NALCN: variants seen among roughly 807,000 people sequenced by gnomAD.
NALCN encodes the protein sodium leak channel, non-selective, also known as sodium leak channel NALCN.
A neutral mutation model predicts 225.3 loss-of-function variants in NALCN; 111 were observed. That is an observed-to-expected ratio of 0.49 (90% CI 0.42 to 0.58). The LOEUF (loss-of-function observed/expected upper bound fraction) is 0.58, where lower values mean the gene tolerates loss of function less well. NALCN is among the 20% of genes least tolerant of loss of function. NALCN has a pLI of 0.00. For synonymous variants in NALCN, 764 were observed against 769.0 expected (o/e 0.99, Z 0.11); for missense variants, 1,378 against 2,202.4 (o/e 0.63, Z 7.49).
chr13:101,298,690 TG>T (rs1198163216), intron 7 of NALCN, among the ~76,000 whole-genome samples: 1 of 152,202 alleles, frequency 6.6e-6, no homozygotes. Flanking sequence ...CTACACAAAA[TG>T]TAAGTTTGGT....
chr13:101,328,358 C>G (rs1035030979), intron 7 of NALCN, among the ~76,000 whole-genome samples: 2 of 152,072 alleles, frequency 1.3e-5, no homozygotes, highest in African/African-American at 2.4e-5. Context: ...ACAGCCCAGG[C>G]TAGAGTGCGG....
chr13:101,130,808 T>C (rs949048205), intron 17 of NALCN, among the ~76,000 whole-genome samples: 1 of 152,182 alleles, frequency 6.6e-6, no homozygotes, highest in African/African-American at 2.4e-5. Flanking sequence ...ATTTGTCTGG[T>C]GTATGTATTG....
intron 6 of NALCN, among the ~76,000 whole-genome samples, chr13:101,373,550 A>G (rs2046601482): frequency 6.6e-6 from 1 of 152,200 alleles, no homozygotes; most frequent in East Asian, 1.9e-4. Context: ...CAAAACGGAA[A>G]AGCACTGGAC....
At chr13:101,236,949 A>G (rs1237606184) in intron 12 of NALCN, among the ~76,000 whole-genome samples, 2 of 103,438 alleles carry the variant, frequency 1.9e-5, no homozygotes, top group Non-Finnish European at 4.1e-5. Flanking sequence ...AAATAAAATA[A>G]TATAAAATAA....
intron 11 of NALCN, among the ~76,000 whole-genome samples, chr13:101,252,664 C>G (rs1271316751): frequency 6.6e-6 from 1 of 152,098 alleles, no homozygotes; most frequent in Non-Finnish European, 1.5e-5. Context: ...ACTTCTTTCT[C>G]CCCTCTGGCT....
chr13:101,258,798 G>A (rs918073013), intron 10 of NALCN, among the ~76,000 whole-genome samples: 6 of 152,108 alleles, frequency 3.9e-5, no homozygotes, highest in African/African-American at 1.4e-4. Flanking sequence ...AGAGACTTTT[G>A]ACTAAAAATG....
chr13:101,332,093 C>T lies in NALCN; in HGVS notation c.799+13173G>A, dbSNP rs565910042. On this transcript the variant is annotated intron_variant, in intron 7 of 43. Transcript: ENST00000251127. The stretch of plus-strand genomic sequence containing the variant: ...GAAAATAGAGGGAAGTTAGAAAGCA[C>T]GATTTAAAGACATGGAGGATAGAAT... 1.9e-4 allele frequency among the ~76,000 whole-genome samples: 29 copies of T among 151,842 alleles called. 1 individual carries two copies. Among genetic ancestry groups the T allele is most frequent in the African/African-American group, 5.6e-4 (23 of 41,418 alleles).
chr13:101,392,624 G>A (rs2047178307), intron 3 of NALCN, among the ~76,000 whole-genome samples: 1 of 152,022 alleles, frequency 6.6e-6, no homozygotes, highest in South Asian at 2.1e-4. Context: ...ACCTCTACTA[G>A]TATTTAAAAT....
intron 6 of NALCN, among the ~76,000 whole-genome samples, chr13:101,372,864 C>A (rs1296464943): frequency 6.6e-6 from 1 of 151,604 alleles, no homozygotes; most frequent in Non-Finnish European, 1.5e-5. Flanking sequence ...AACAGACTAA[C>A]AATAGAGAAC....
upstream of NALCN, among the ~76,000 whole-genome samples, chr13:101,416,966 C>T (rs1594806436): frequency 6.6e-6 from 1 of 151,874 alleles, no homozygotes; most frequent in East Asian, 1.9e-4. Context: ...AGTTTCACCC[C>T]GGAGTTATTA....
intron 1 of NALCN, among the ~76,000 whole-genome samples, chr13:101,412,517 G>A (rs902506029): frequency 3.9e-5 from 6 of 152,168 alleles, no homozygotes; most frequent in Non-Finnish European, 8.8e-5. Context: ...TTCCGGTATG[G>A]CTGCCTTGCC....
intron 15 of NALCN, among the ~76,000 whole-genome samples, chr13:101,174,177 T>C (rs769239240): frequency 7.2e-5 from 11 of 152,342 alleles, no homozygotes; most frequent in Non-Finnish European, 1.5e-4. Flanking sequence ...AAGAATTTAA[T>C]AGATACATAG....
chr13:101,378,623 A>C lies in NALCN; in HGVS notation c.322T>G (p.Cys108Gly). The change falls in exon 4 of 44, where the codon TGT (cysteine) becomes GGT (glycine). Residue 108 changes from cysteine (C) to glycine (G), a missense_variant. Physicochemically the swap from Cys to Gly is radical, Grantham distance 159. Transcript: ENST00000251127. ...GDSSYVKDRWCVFDGFMVFCL... is the reference protein window; with the variant it reads ...GDSSYVKDRWGVFDGFMVFCL... ...AAGACCATAAATCCATCAAAAACAC[A>C]CCAGCGATCTTTCACATAGGAACTA... is the stretch of plus-strand genomic sequence containing the variant. The C allele has an allele frequency of 6.2e-7, 1 of 1,610,132 alleles. No homozygotes were observed.
Position 101,237,790 on chromosome 13 carries a change from G to T in NALCN, c.1399C>A (p.Pro467Thr), listed in dbSNP as rs1346705085. Residue 467 changes from proline (P) to threonine (T), a missense_variant, in exon 12 of 44, where the codon CCA becomes ACA. Pro to Thr is a conservative substitution (Grantham distance 38). Around this residue, in one of 19 missense-constraint regions of NALCN, gnomAD observed 144 missense variants for 187.7 expected, o/e 0.77. Transcript: ENST00000251127. Reference protein sequence around the residue: ...LVIGTTLHVYPDLYHSQFTYF... With the variant: ...LVIGTTLHVYTDLYHSQFTYF... ...GTGAATTGTGAATGATAAAGATCTG[G>T]GTATACATGAAGAGTAGTTCCAATT... 4.4e-6 allele frequency: 7 copies of T among 1,602,782 alleles called. No individual in the cohort carries two copies. In the South Asian group the frequency reaches 7.9e-5, roughly 18 times the overall value.
intron 3 of NALCN, among the ~76,000 whole-genome samples, chr13:101,388,888 C>T (rs1280757458): frequency 6.6e-6 from 1 of 152,198 alleles, no homozygotes; most frequent in Admixed American, 6.5e-5. Context: ...GCAAAGGTTG[C>T]CATGGCCCCA....
chr13:101,286,270 G>C (rs1429110436), intron 9 of NALCN, among the ~76,000 whole-genome samples: 2 of 152,182 alleles, frequency 1.3e-5, no homozygotes, highest in Admixed American at 6.5e-5. Flanking sequence ...TTTACAAAGA[G>C]AATCTGTATG....
intron 13 of NALCN, among the ~76,000 whole-genome samples, chr13:101,204,261 G>A (rs1218043271): frequency 6.6e-6 from 1 of 152,100 alleles, no homozygotes; most frequent in South Asian, 2.1e-4. Flanking sequence ...TGATTTAGGA[G>A]GAAATAAAGT....
intron 6 of NALCN, among the ~76,000 whole-genome samples, chr13:101,359,768 C>T (rs1442995859): frequency 6.6e-6 from 1 of 152,178 alleles, no homozygotes; most frequent in East Asian, 1.9e-4. Flanking sequence ...GGCTCTTCCA[C>T]TTACTGAATT....
intron 16 of NALCN, among the ~76,000 whole-genome samples, chr13:101,144,554 A>G (rs2037251038): frequency 1.3e-5 from 2 of 152,104 alleles, no homozygotes; most frequent in Admixed American, 1.3e-4. Flanking sequence ...TTATAAAGTG[A>G]CTCTTCTGTG....
Sources: gnomAD v4.1 joint callset for allele counts (sites outside exome capture counted in the v4.1 genomes callset) on GRCh38, gnomAD v4.1.1 for gene constraint, gnomAD v4.1.1 regional missense constraint, MANE v1.5 for transcripts, NCBI Gene and HGNC (gene_info 2026-07-23, HGNC 2026-07-21) for gene names.